SLC2A5: variants seen among roughly 807,000 people sequenced by gnomAD.
SLC2A5 encodes the protein solute carrier family 2 member 5.
Under a neutral mutation model 50.3 loss-of-function variants are expected in SLC2A5, and 56 were observed. The ratio of observed to expected loss-of-function variants is 1.11; its 90% CI spans 0.90 to 1.39. SLC2A5 has a LOEUF of 1.39. SLC2A5 is among the 40% of genes most tolerant of loss of function. The probability of loss-of-function intolerance (pLI) is 0.00; values close to 1 mark genes in which losing one functional copy is unlikely to be tolerated. For missense variants in SLC2A5, 566 were observed against 650.1 expected, an observed-to-expected ratio of 0.87 and a Z score of 1.41; for synonymous variants, 269 against 281.9, an observed-to-expected ratio of 0.95 and a Z score of 0.46.
At chr1:9,082,485 C>G (rs150604534) in intron 2 of SLC2A5, among the ~76,000 whole-genome samples, 3 of 151,978 alleles carry the variant, frequency 2.0e-5, no homozygotes, top group African/African-American at 7.2e-5. Flanking sequence ...AGGCTGAGGT[C>G]GGAGGATTGC....
At chr1:9,038,630 G>A (rs770620958) in intron 9 of SLC2A5, 124 bp from the exon 10 acceptor site, 15 of 1,240,946 alleles carry the variant, frequency 1.2e-5, no homozygotes, top group African/African-American at 2.9e-5. Flanking sequence ...GTGCCACCTC[G>A]ATGAGCCACT....
At chr1:9,079,614 T>G (rs1225806401) in intron 2 of SLC2A5, among the ~76,000 whole-genome samples, 2 of 152,140 alleles carry the variant, frequency 1.3e-5, no homozygotes, top group Non-Finnish European at 2.9e-5. Flanking sequence ...GCCTCCCAAA[T>G]AGCTGGGATT....
chr1:9,047,865 T>A, intron 3 of SLC2A5, 131 bp from the exon 4 acceptor site: 3 of 931,474 alleles, frequency 3.2e-6, no homozygotes, highest in Non-Finnish European at 4.8e-6. Flanking sequence ...TTTAGCTCTC[T>A]GGGACCTGAG....
Position 9,046,193 on chromosome 1 carries a change from G to A in SLC2A5, c.418+1417C>T, listed in dbSNP as rs1471648539. Among the ~76,000 whole-genome samples the A allele has an allele frequency of 2.6e-5, 4 of 152,082 alleles. No homozygotes were observed. In the South Asian group the frequency reaches 8.3e-4, roughly 32 times the overall value. On this transcript the variant is annotated intron_variant, in intron 4 of 11. Coordinates refer to ENST00000377424, the MANE Select transcript of SLC2A5 (RefSeq NM_003039.3). Reference sequence around the variant, plus strand: ...CACCTGGGAGGGGCTCCCTCAAGGGGCCCACTCTGCACCTGTAGGACCCTG... The same window carrying A: ...CACCTGGGAGGGGCTCCCTCAAGGGACCCACTCTGCACCTGTAGGACCCTG...
Position 9,068,189 on chromosome 1 carries a change from C to CAAAAAAAA in SLC2A5, c.33+1307_33+1314dup, listed in dbSNP as rs755203801. ...TGGGTGACAGAGCAAGACTCTGTGTCAAAAAAAAAAAAAAAAAAAAGCGAG... is the reference window on the plus strand; with the variant it reads ...TGGGTGACAGAGCAAGACTCTGTGTCAAAAAAAAAAAAAAAAAAAAAAAAAAAAGCGAG... On this transcript the variant is annotated intron_variant, in intron 1 of 11. Transcript: ENST00000377424. 1.5e-3 allele frequency among the ~76,000 whole-genome samples: 118 copies of CAAAAAAAA among 77,072 alleles called. 4 individuals are homozygous for CAAAAAAAA. The highest frequency in any genetic ancestry group is 5.4e-3 in the African/African-American group (111 of 20,482). 50.6% of individuals were successfully genotyped at this position (77,072 alleles called of 152,430 possible). A position where few individuals can be genotyped will look rare whatever the true frequency, so the allele number is the denominator to read the frequency against.
intron 3 of SLC2A5, among the ~76,000 whole-genome samples, chr1:9,056,591 C>T (rs1298677474): frequency 1.3e-5 from 2 of 152,054 alleles, no homozygotes; most frequent in Non-Finnish European, 2.9e-5. Flanking sequence ...CCCACGTGCT[C>T]CTCATCCCTA....
At position 9,037,745 on chromosome 1, in the gene SLC2A5, G is replaced by A. The variant is rs981131715; in HGVS notation, c.1347C>T (p.Cys449=). ...PYSFIVFAVI[C]LLTTIYIFLI... is the part of the protein sequence containing the mutation. ...AGAAGATGTAGATGGTGGTGAGGAG[G>A]CAGATCACGGCGAAGACAATGAAGC... Residue 449 remains cysteine (C), a synonymous_variant, in exon 12 of 12, where the codon TGC becomes TGT. Coordinates refer to ENST00000377424, the MANE Select transcript of SLC2A5 (RefSeq NM_003039.3). 6.2e-7 allele frequency: 1 copy of A among 1,614,210 alleles called. No homozygotes were observed.
At chr1:9,073,814 G>A (rs59113402), upstream of SLC2A5, among the ~76,000 whole-genome samples, 2,364 of 152,292 alleles carry the variant, frequency 0.016, 63 homozygotes, top group African/African-American at 0.053. Context: ...CTGGCCGGGC[G>A]CGGTGGCTCA....
rs373782781 is a variant in SLC2A5 at position 9,068,042 on chromosome 1, T to G, written c.33+1462A>C. On this transcript the variant is annotated intron_variant, in intron 1 of 11. Transcript: ENST00000377424. ...CCATCTCTACTAAAAATACAAAAAT[T>G]AGCCGGGTGTGGTGGTGCATGCCTG... 1.5e-3 allele frequency among the ~76,000 whole-genome samples: 222 copies of G among 151,710 alleles called. 9 individuals carry two copies. The East Asian group carries it at 0.037, about 25-fold the overall frequency.
chr1:9,093,621 T>C, the SLC2A5 span, among the ~76,000 whole-genome samples: 4 of 152,178 alleles, frequency 2.6e-5, no homozygotes, highest in Non-Finnish European at 4.4e-5. Context: ...CTTACCCAAA[T>C]AACTTTTTTC....
upstream of SLC2A5, among the ~76,000 whole-genome samples, chr1:9,091,466 G>A (rs116157038): frequency 6.6e-6 from 1 of 152,166 alleles, no homozygotes; most frequent in African/African-American, 2.4e-5. Flanking sequence ...AAAAGCTCAC[G>A]TTCTATGAAC....
intron 2 of SLC2A5, among the ~76,000 whole-genome samples, chr1:9,080,759 C>T (rs1642342457): frequency 6.6e-6 from 1 of 152,190 alleles, no homozygotes; most frequent in African/African-American, 2.4e-5. Context: ...AATGTGAAAA[C>T]AAATAATTCA....
intron 3 of SLC2A5, among the ~76,000 whole-genome samples, chr1:9,053,058 ATATATATTATATATT>A (rs1389863399): frequency 1.8e-5 from 2 of 111,254 alleles, no homozygotes; most frequent in African/African-American, 8.0e-5. Context: ...TTAATATATA[ATATATATTATATATT>A]TATATATTAA....
upstream of SLC2A5, among the ~76,000 whole-genome samples, chr1:9,074,317 T>C (rs1642257628): frequency 6.6e-6 from 1 of 152,054 alleles, no homozygotes; most frequent in African/African-American, 2.4e-5. Flanking sequence ...AAGCAGAATC[T>C]CAGAAATAGT....
chr1:9,059,136 C>CTT (rs869052429), intron 1 of SLC2A5, among the ~76,000 whole-genome samples: 29 of 53,914 alleles, frequency 5.4e-4, no homozygotes, highest in South Asian at 2.2e-3. Flanking sequence ...GCCTTTCTTT[C>CTT]TTTTTTTTTT....
intron 4 of SLC2A5, among the ~76,000 whole-genome samples, chr1:9,043,750 T>C (rs1208339664): frequency 6.6e-6 from 1 of 151,610 alleles, no homozygotes; most frequent in East Asian, 2.0e-4. Flanking sequence ...GATGCGAGTT[T>C]CGCTCTTGTC....
intron 2 of SLC2A5, among the ~76,000 whole-genome samples, chr1:9,075,545 C>T (rs1642273203): frequency 1.3e-5 from 2 of 152,230 alleles, no homozygotes; most frequent in African/African-American, 4.8e-5. Context: ...AGACAGTTGT[C>T]ACTCCCCTGT....
intron 2 of SLC2A5, among the ~76,000 whole-genome samples, chr1:9,075,287 C>T (rs1324782315): frequency 6.6e-6 from 1 of 152,098 alleles, no homozygotes; most frequent in African/African-American, 2.4e-5. Context: ...ACATCAAACA[C>T]CTCAATTTAT....
At chr1:9,039,729 C>A in intron 7 of SLC2A5, 67 bp from the exon 8 acceptor site, 1 of 1,428,200 alleles carries the variant, frequency 7.0e-7, no homozygotes, top group Non-Finnish European at 9.2e-7. Context: ...GACCCACGCC[C>A]GGCGCCCCAG....
Sources: gnomAD v4.1 joint callset for allele counts (sites outside exome capture counted in the v4.1 genomes callset) on GRCh38, gnomAD v4.1.1 for gene constraint, MANE v1.5 for transcripts, NCBI Gene and HGNC (gene_info 2026-07-23, HGNC 2026-07-21) for gene names.